SNTB1: variants seen among roughly 807,000 people sequenced by gnomAD.
SNTB1 encodes syntrophin beta 1.
SNTB1 carries 36 observed loss-of-function variants against 48.9 expected under a neutral mutation model. The ratio of observed to expected loss-of-function variants is 0.74; its 90% CI spans 0.56 to 0.97. The LOEUF (loss-of-function observed/expected upper bound fraction) is 0.97. Ranked by LOEUF, SNTB1 falls within the 50% of genes least tolerant of loss-of-function variation. The pLI is 0.00. For missense variants in SNTB1, 786 were observed against 703.4 expected, an observed-to-expected ratio of 1.12 and a Z score of -1.33; for synonymous variants, 299 against 294.6, an observed-to-expected ratio of 1.01 and a Z score of -0.15.
chr8:120,592,739 C>A (rs556909234), intron 3 of SNTB1, among the ~76,000 whole-genome samples: 51 of 152,160 alleles, frequency 3.4e-4, no homozygotes, highest in African/African-American at 1.2e-3. Flanking sequence ...ATGGTGGTAA[C>A]TGTTGGTATT....
chr8:120,677,947 G>C (rs1479385163), intron 2 of SNTB1, among the ~76,000 whole-genome samples: 11 of 152,026 alleles, frequency 7.2e-5, no homozygotes, highest in Admixed American at 7.2e-4. Context: ...TCTAGGGTTT[G>C]GTTTCCAGGT....
chr8:120,755,321 C>T (rs1265460376), intron 1 of SNTB1, among the ~76,000 whole-genome samples: 2 of 151,134 alleles, frequency 1.3e-5, no homozygotes, highest in African/African-American at 2.4e-5. Context: ...CATAATAAGG[C>T]AATAGCTATC....
At chr8:120,761,701 T>C (rs965110675) in intron 1 of SNTB1, among the ~76,000 whole-genome samples, 1 of 152,220 alleles carries the variant, frequency 6.6e-6, no homozygotes, top group Admixed American at 6.5e-5. Flanking sequence ...ACATATGGGG[T>C]GATCATCAGG....
chr8:120,734,715 A>G (rs1451294488), intron 1 of SNTB1, among the ~76,000 whole-genome samples: 2 of 152,176 alleles, frequency 1.3e-5, no homozygotes, highest in Non-Finnish European at 2.9e-5. Context: ...TGCATGCTGA[A>G]ACACAGCTTG....
chr8:120,649,824 G>A (rs1330072068), intron 2 of SNTB1, among the ~76,000 whole-genome samples: 4 of 152,076 alleles, frequency 2.6e-5, no homozygotes, highest in East Asian at 3.8e-4. Context: ...GCGAGACTCC[G>A]TGGGCGTAGG....
At chr8:120,685,056 C>T (rs1757343910) in intron 2 of SNTB1, among the ~76,000 whole-genome samples, 2 of 152,224 alleles carry the variant, frequency 1.3e-5, no homozygotes, top group Admixed American at 6.5e-5. Context: ...TCCAGGTAGC[C>T]CTGCTCTTCA....
At chr8:120,586,206 C>T (rs1193542877) in intron 3 of SNTB1, among the ~76,000 whole-genome samples, 3 of 152,186 alleles carry the variant, frequency 2.0e-5, no homozygotes, top group Non-Finnish European at 4.4e-5. Flanking sequence ...GGCATGGCAT[C>T]GCCAAATCTT....
intron 4 of SNTB1, among the ~76,000 whole-genome samples, chr8:120,564,821 T>G (rs1045747863): frequency 6.6e-6 from 1 of 152,142 alleles, no homozygotes; most frequent in African/African-American, 2.4e-5. Flanking sequence ...TCCACCCGCC[T>G]CGGCCTCCCA....
chr8:120,745,622 A>G (rs1464320894), intron 1 of SNTB1, among the ~76,000 whole-genome samples: 2 of 152,130 alleles, frequency 1.3e-5, no homozygotes, highest in African/African-American at 4.8e-5. Context: ...ATTTTACTGA[A>G]GGCTTTAGAA....
At chr8:120,651,977 A>G (rs1817417618) in intron 2 of SNTB1, among the ~76,000 whole-genome samples, 1 of 152,246 alleles carries the variant, frequency 6.6e-6, no homozygotes, top group Admixed American at 6.5e-5. Context: ...GAGTTCAATT[A>G]GGAGGGAAAC....
At chr8:120,634,380 C>T (rs1456755403) in intron 2 of SNTB1, among the ~76,000 whole-genome samples, 2 of 152,052 alleles carry the variant, frequency 1.3e-5, no homozygotes, top group East Asian at 1.9e-4. Context: ...TCTAATAGCC[C>T]TATGACTGAT....
At chr8:120,763,549 T>A (rs1819461517) in intron 1 of SNTB1, among the ~76,000 whole-genome samples, 3 of 152,200 alleles carry the variant, frequency 2.0e-5, no homozygotes, top group African/African-American at 7.2e-5. Context: ...AAAATCTGCA[T>A]GCCATTTAAA....
chr8:120,615,781 CT>C (rs1816704684), intron 3 of SNTB1, among the ~76,000 whole-genome samples: 1 of 152,136 alleles, frequency 6.6e-6, no homozygotes, highest in South Asian at 2.1e-4. Flanking sequence ...TACAGCATGT[CT>C]TTCTCCTTCC....
chr8:120,622,588 G>A (rs780442684), intron 3 of SNTB1, among the ~76,000 whole-genome samples: 1 of 151,594 alleles, frequency 6.6e-6, no homozygotes, highest in Non-Finnish European at 1.5e-5. Context: ...ATGATGTGAG[G>A]GACAAGGGAG....
At chr8:120,784,143 A>G (rs545094229) in intron 1 of SNTB1, among the ~76,000 whole-genome samples, 4 of 152,110 alleles carry the variant, frequency 2.6e-5, no homozygotes, top group Middle Eastern at 3.4e-3. Flanking sequence ...ACAGGCACCC[A>G]CGATCACACC....
intron 1 of SNTB1, among the ~76,000 whole-genome samples, chr8:120,737,782 C>T (rs149686021): frequency 1.3e-5 from 2 of 152,262 alleles, no homozygotes; most frequent in African/African-American, 4.8e-5. Flanking sequence ...CCACCCCTTT[C>T]AATTGTCATA....
intron 1 of SNTB1, among the ~76,000 whole-genome samples, chr8:120,752,796 G>A (rs1412179908): frequency 6.6e-6 from 1 of 151,912 alleles, no homozygotes; most frequent in Non-Finnish European, 1.5e-5. Context: ...ATAAGTAAAG[G>A]AACAATAGGC....
intron 5 of SNTB1, among the ~76,000 whole-genome samples, chr8:120,545,427 C>G (rs1284674412): frequency 6.6e-6 from 1 of 152,180 alleles, no homozygotes; most frequent in Non-Finnish European, 1.5e-5. Flanking sequence ...CATGGGCCAG[C>G]AGCATCAGAA....
At chr8:120,767,543 G>A (rs2130086607) in intron 1 of SNTB1, among the ~76,000 whole-genome samples, 1 of 152,278 alleles carries the variant, frequency 6.6e-6, no homozygotes, top group African/African-American at 2.4e-5. Context: ...AGGATCTAGT[G>A]GTATAGCTGT....
Sources: gnomAD v4.1 joint callset for allele counts (sites outside exome capture counted in the v4.1 genomes callset) on GRCh38, gnomAD v4.1.1 for gene constraint, MANE v1.5 for transcripts, NCBI Gene and HGNC (gene_info 2026-07-23, HGNC 2026-07-21) for gene names.